CTR9: variants seen among roughly 807,000 people sequenced by gnomAD.
CTR9 encodes CTR9 component of Paf1/RNA polymerase II complex.
CTR9 carries 41 observed loss-of-function variants against 152.1 expected under a neutral mutation model. That is an observed-to-expected ratio of 0.27 (90% CI 0.21 to 0.35). The LOEUF is 0.35. Among genes scored for constraint, CTR9 ranks in the 10% least tolerant of loss-of-function variants. The pLI, the probability that CTR9 is intolerant of heterozygous loss-of-function variation, is 1.00. For missense variants in CTR9, 917 were observed against 1,424.4 expected (o/e 0.64, Z 5.73); for synonymous variants, 476 against 496.2 (o/e 0.96, Z 0.54).
At chr11:10,776,150 A>G (rs188787011) in intron 24 of CTR9, among the ~76,000 whole-genome samples, 6 of 152,184 alleles carry the variant, frequency 3.9e-5, no homozygotes, top group East Asian at 1.9e-4. Context: ...TGCAATGGCA[A>G]TCTTGGCTTA....
intron 20 of CTR9, among the ~76,000 whole-genome samples, chr11:10,772,858 C>A (rs1019582997): frequency 6.6e-6 from 1 of 151,964 alleles, no homozygotes; most frequent in Admixed American, 6.6e-5. Context: ...GGAACCCCGT[C>A]TCTACTAAAA....
In CTR9 at chr11:10,764,380, A is replaced by G. The variant is rs745370520; in HGVS notation, c.1357A>G (p.Ile453Val). The change falls in exon 11 of 25, where the codon ATT becomes GTT. Residue 453 changes from isoleucine (I) to valine (V), a missense_variant. Transcript: ENST00000361367. ...AGTGCAGGCCGATGTTCCTCCAGAG[A>G]TTCTCAATAATGTGGGTGCCCTCCA... ...EKVQADVPPE[I>V]LNNVGALHFR... 1 of 1,614,124 alleles carries G rather than the reference A, an allele frequency of 6.2e-7. No homozygotes were observed. The highest frequency in any genetic ancestry group is 8.5e-7 in the Non-Finnish European group (1 of 1,179,986).
At chr11:10,763,003 G>A (rs1441958357) in intron 7 of CTR9, among the ~76,000 whole-genome samples, 2 of 145,716 alleles carry the variant, frequency 1.4e-5, no homozygotes, top group African/African-American at 5.1e-5. Flanking sequence ...GTGAGACCCT[G>A]TCTCAAAAAA....
intron 19 of CTR9, 71 bp downstream of exon 19, chr11:10,771,687 C>A: frequency 3.8e-6 from 4 of 1,060,170 alleles, no homozygotes; most frequent in Non-Finnish European, 5.9e-6. Flanking sequence ...GAAAGTGCCA[C>A]AGTAGGGAAC....
At chr11:10,758,085 G>C (rs973094232) in intron 5 of CTR9, among the ~76,000 whole-genome samples, 2 of 152,166 alleles carry the variant, frequency 1.3e-5, no homozygotes, top group African/African-American at 4.8e-5. Context: ...GAAAGAGTTG[G>C]GGGGAAAGTA....
At chr11:10,756,923 T>C (rs1016171407) in intron 5 of CTR9, 85 bp downstream of exon 5, 7 of 915,566 alleles carry the variant, frequency 7.6e-6, no homozygotes, top group South Asian at 2.9e-5. Flanking sequence ...TATGAAGTTA[T>C]GAAAAGATAT....
chr11:10,776,570 G>C (rs6484490), intron 24 of CTR9, among the ~76,000 whole-genome samples: 152,158 of 152,324 alleles, frequency 1, 75,996 homozygotes, highest in Middle Eastern at 1. Flanking sequence ...TTTGAACATC[G>C]AGTGTGTGAG....
At chr11:10,759,157 G>A (rs1036446093) in intron 5 of CTR9, among the ~76,000 whole-genome samples, 1 of 152,216 alleles carries the variant, frequency 6.6e-6, no homozygotes, top group African/African-American at 2.4e-5. Flanking sequence ...GAGGTCTAGA[G>A]GTGGAGCCCT....
rs192465721 is a variant in CTR9 at position 10,765,412 on chromosome 11, C to A, written c.1597+681C>A. Among the ~76,000 whole-genome samples, 155 of 151,974 alleles carry A rather than the reference C, an allele frequency of 1.0e-3. 1 individual carries two copies. The highest frequency in any genetic ancestry group is 3.5e-3 in the African/African-American group (145 of 41,436). On this transcript the variant is annotated intron_variant, in intron 12 of 24. Transcript: ENST00000361367. ...GTTTTTGTACTTTCTTTAAAAAGAACCTAAAGCATGATGTTTTGACTCTAG... is the reference window on the plus strand; with the variant it reads ...GTTTTTGTACTTTCTTTAAAAAGAAACTAAAGCATGATGTTTTGACTCTAG...
intron 12 of CTR9, among the ~76,000 whole-genome samples, chr11:10,766,179 A>G (rs1863056515): frequency 6.6e-6 from 1 of 152,222 alleles, no homozygotes; most frequent in African/African-American, 2.4e-5. Context: ...TTGGGAGTGG[A>G]GTGGCAGAGG....
chr11:10,753,717 A>G (rs1862840930), intron 2 of CTR9, among the ~76,000 whole-genome samples: 1 of 149,714 alleles, frequency 6.7e-6, no homozygotes. Context: ...TTTTAAGTAC[A>G]TATGCCCTCC....
At chr11:10,759,404 C>A (rs1862938894) in intron 5 of CTR9, among the ~76,000 whole-genome samples, 1 of 152,120 alleles carries the variant, frequency 6.6e-6, no homozygotes, top group Non-Finnish European at 1.5e-5. Context: ...TCCATAGTGA[C>A]CTTGATAAAA....
At chr11:10,777,841 A>G (rs1360520440) in intron 24 of CTR9, among the ~76,000 whole-genome samples, 1 of 152,226 alleles carries the variant, frequency 6.6e-6, no homozygotes, top group Non-Finnish European at 1.5e-5. Flanking sequence ...TGTGGGATTC[A>G]GTATTCCTTT....
intron 22 of CTR9, 94 bp downstream of exon 22, chr11:10,774,263 A>T: frequency 7.0e-7 from 1 of 1,437,008 alleles, no homozygotes; most frequent in Admixed American, 2.3e-5. Flanking sequence ...ATTGATGAAC[A>T]CTTGATCCAA....
chr11:10,759,596 C>G (rs1276645764), intron 5 of CTR9, among the ~76,000 whole-genome samples: 1 of 152,078 alleles, frequency 6.6e-6, no homozygotes, highest in African/African-American at 2.4e-5. Context: ...TATAAGATGG[C>G]AGAACGTTTA....
chr11:10,764,865 A>G (rs1281371287), intron 12 of CTR9, 134 bp downstream of exon 12: 1 of 773,618 alleles, frequency 1.3e-6, no homozygotes, highest in Non-Finnish European at 2.0e-6. Context: ...TCTCCAGGGC[A>G]AATTTGTGGC....
chr11:10,766,364 A>G, intron 12 of CTR9, 38 bp from the exon 13 acceptor site: 5 of 1,431,020 alleles, frequency 3.5e-6, no homozygotes, highest in Non-Finnish European at 4.9e-6. Flanking sequence ...CTTTATAGCT[A>G]ATATTTGGGA....
chr11:10,770,998 T>G (rs16908290), intron 18 of CTR9, among the ~76,000 whole-genome samples: 9,927 of 152,276 alleles, frequency 0.065, 1,093 homozygotes, highest in African/African-American at 0.22. Context: ...TACGTTGGTC[T>G]TCCATTTTAC....
intron 22 of CTR9, 137 bp downstream of exon 22, chr11:10,774,306 T>C (rs1165408275): frequency 4.5e-5 from 48 of 1,070,478 alleles, no homozygotes; most frequent in Non-Finnish European, 6.2e-5. Flanking sequence ...CACTTCCTAC[T>C]TTAATCCTAA....
Sources: gnomAD v4.1 joint callset for allele counts (sites outside exome capture counted in the v4.1 genomes callset) on GRCh38, gnomAD v4.1.1 for gene constraint, MANE v1.5 for transcripts, NCBI Gene and HGNC (gene_info 2026-07-23, HGNC 2026-07-21) for gene names.